The following CALN1 variants were observed in gnomAD, a reference collection of about 807,000 sequenced individuals.
The protein encoded by CALN1 is calneuron 1, also known as calcium-binding protein 8.
A neutral mutation model predicts 30.6 loss-of-function variants in CALN1; 17 were observed. That is an observed-to-expected ratio of 0.56 (90% CI 0.38 to 0.83). The LOEUF is 0.83. CALN1 is among the 40% of genes least tolerant of loss of function. CALN1 has a pLI of 0.00. For missense variants in CALN1, 291 were observed against 354.9 expected (o/e 0.82, Z 1.45); for synonymous variants, 156 against 131.4 (o/e 1.19, Z -1.28).
At chr7:71,840,188 G>T (rs1789850694) in intron 5 of CALN1, among the ~76,000 whole-genome samples, 1 of 150,758 alleles carries the variant, frequency 6.6e-6, no homozygotes, top group Admixed American at 6.7e-5. Context: ...ACAGGCAAGG[G>T]GCAGTGGCTC....
At chr7:71,798,160 AGAGAGAGAGAGAGAG>A (rs1787072097) in intron 6 of CALN1, among the ~76,000 whole-genome samples, 1 of 146,086 alleles carries the variant, frequency 6.8e-6, no homozygotes, top group Admixed American at 6.8e-5. Context: ...AGAGAGAGAG[AGAGAGAGAGAGAGAG>A]ATGTTGCTTG....
chr7:72,343,026 A>G (rs1802456152), intron 2 of CALN1, among the ~76,000 whole-genome samples: 1 of 152,202 alleles, frequency 6.6e-6, no homozygotes, highest in African/African-American at 2.4e-5. Context: ...ATCGATAACC[A>G]GGACAAAATT....
Position 72,149,003 on chromosome 7 carries a change from T to C in CALN1, c.245-42709A>G, listed in dbSNP as rs113774530. ...GAGGGAGGAAGGAAGGAAATAATAA[T>C]TAAAATGAGCCTAGCATCTCCTGCT... is the stretch of plus-strand genomic sequence containing the variant. On this transcript the variant is annotated intron_variant, in intron 3 of 6. Coordinates refer to ENST00000395275, the MANE Select transcript of CALN1 (RefSeq NM_031468.4). Among the ~76,000 whole-genome samples the C allele has an allele frequency of 5.1e-3, 774 of 150,586 alleles. 4 individuals are homozygous for C. Among genetic ancestry groups the C allele is most frequent in the African/African-American group, 0.018 (734 of 40,334 alleles).
chr7:72,373,156 A>G (rs965239869), intron 2 of CALN1, among the ~76,000 whole-genome samples: 2 of 152,324 alleles, frequency 1.3e-5, no homozygotes, highest in Non-Finnish European at 1.5e-5. Context: ...TAACCGAAGA[A>G]AGAGCCAGAG....
chr7:72,207,666 A>T (rs1791991808), intron 3 of CALN1, among the ~76,000 whole-genome samples: 2 of 152,176 alleles, frequency 1.3e-5, no homozygotes, highest in African/African-American at 4.8e-5. Context: ...CCTTGTAAGA[A>T]GGACATTCTC....
intron 5 of CALN1, among the ~76,000 whole-genome samples, chr7:71,982,352 T>C (rs1008935919): frequency 6.6e-6 from 1 of 152,158 alleles, no homozygotes; most frequent in African/African-American, 2.4e-5. Flanking sequence ...CCCAGCAATT[T>C]GGGAGGCGGA....
intron 3 of CALN1, among the ~76,000 whole-genome samples, chr7:72,145,472 ATAAT>A (rs2129543746): frequency 6.6e-6 from 1 of 152,298 alleles, no homozygotes; most frequent in Non-Finnish European, 1.5e-5. Context: ...AGTTGAGGCA[ATAAT>A]TAATAGCCTA....
chr7:72,397,873 TA>T (rs1806084746), intron 2 of CALN1, among the ~76,000 whole-genome samples: 1 of 152,102 alleles, frequency 6.6e-6, no homozygotes, highest in Non-Finnish European at 1.5e-5. Context: ...GCCCTTCCAT[TA>T]TAAGCCAAGG....
chr7:72,255,052 A>G (rs1386307131), intron 3 of CALN1, among the ~76,000 whole-genome samples: 1 of 151,638 alleles, frequency 6.6e-6, no homozygotes, highest in Non-Finnish European at 1.5e-5. Context: ...TGGCCTCTCA[A>G]AGTGCTGGAA....
At chr7:72,315,210 G>A (rs1435264979) in intron 2 of CALN1, among the ~76,000 whole-genome samples, 6 of 151,432 alleles carry the variant, frequency 4.0e-5, no homozygotes, top group Non-Finnish European at 8.8e-5. Context: ...GAAATAAAGG[G>A]ATAAAGAGCA....
chr7:72,416,837 A>G (rs138820853), upstream of CALN1, among the ~76,000 whole-genome samples: 188 of 151,308 alleles, frequency 1.2e-3, 1 homozygote, highest in Admixed American at 1.8e-3. Context: ...GTCAGCATCT[A>G]TCAGCCGAGG....
At chr7:72,433,352 A>G (rs1315999490) in intron 1 of CALN1, among the ~76,000 whole-genome samples, 1 of 152,176 alleles carries the variant, frequency 6.6e-6, no homozygotes, top group Non-Finnish European at 1.5e-5. Flanking sequence ...GCTGTGCTAT[A>G]TAAACAGGAA....
chr7:72,394,712 A>C (rs529615575), intron 2 of CALN1, among the ~76,000 whole-genome samples: 1 of 150,188 alleles, frequency 6.7e-6, no homozygotes, highest in African/African-American at 2.5e-5. Flanking sequence ...CCCAGGCTGA[A>C]GTGCAGTGGC....
intron 2 of CALN1, among the ~76,000 whole-genome samples, chr7:72,382,680 G>A (rs969995552): frequency 6.6e-6 from 1 of 152,192 alleles, no homozygotes; most frequent in African/African-American, 2.4e-5. Context: ...TGTACCCAAT[G>A]TTTAGCTCCC....
chr7:72,258,897 T>TGAA (rs1554340985), intron 3 of CALN1, among the ~76,000 whole-genome samples: 32 of 132,698 alleles, frequency 2.4e-4, no homozygotes, highest in Admixed American at 2.3e-4. Context: ...TACTAAAAAG[T>TGAA]AAAAAAAAAA....
intron 2 of CALN1, among the ~76,000 whole-genome samples, chr7:72,336,060 G>A (rs746441589): frequency 6.6e-6 from 1 of 152,158 alleles, no homozygotes; most frequent in African/African-American, 2.4e-5. Flanking sequence ...TCAGAGACTA[G>A]GTCCCAGCCG....
chr7:72,088,994 A>C (rs1563047581), intron 4 of CALN1, among the ~76,000 whole-genome samples: 1 of 152,128 alleles, frequency 6.6e-6, no homozygotes, highest in Admixed American at 6.5e-5. Context: ...AATTAAAAAT[A>C]AGAAACAGAA....
At chr7:71,962,518 A>G (rs1464290669) in intron 5 of CALN1, among the ~76,000 whole-genome samples, 1 of 152,222 alleles carries the variant, frequency 6.6e-6, no homozygotes, top group Non-Finnish European at 1.5e-5. Context: ...TGCATTTGCT[A>G]CCGTTTGAAT....
rs1184093789 is a variant in CALN1 at position 72,027,951 on chromosome 7, T to C, written c.389-4182A>G. Among the ~76,000 whole-genome samples, 5 of 144,580 alleles carry C rather than the reference T, an allele frequency of 3.5e-5. No individual in the cohort carries two copies. The Admixed American group carries it at 3.8e-4, about 11-fold the overall frequency. The allele number at this position is 144,580 out of a possible 152,430, so 94.9% of individuals were successfully genotyped here. On this transcript the variant is annotated intron_variant, in intron 4 of 6. Transcript: ENST00000395275. ...GCGGGCGCCTGTAGTCCCAGCTACG[T>C]GGGAGGCTGAGGCAGGAGAATGGCG...
Sources: gnomAD v4.1 joint callset for allele counts (sites outside exome capture counted in the v4.1 genomes callset) on GRCh38, gnomAD v4.1.1 for gene constraint, MANE v1.5 for transcripts, NCBI Gene and HGNC (gene_info 2026-07-23, HGNC 2026-07-21) for gene names.